The following ERGIC1 variants were observed in gnomAD, a reference collection of about 807,000 sequenced individuals.
ERGIC1 encodes the protein endoplasmic reticulum-Golgi intermediate compartment protein 1.
A neutral mutation model predicts 38.3 loss-of-function variants in ERGIC1; 19 were observed. That is an observed-to-expected ratio of 0.50 (90% CI 0.35 to 0.73). The LOEUF (loss-of-function observed/expected upper bound fraction) is 0.73, where lower values mean the gene tolerates loss of function less well. Among genes scored for constraint, ERGIC1 ranks in the 30% least tolerant of loss-of-function variants. The probability of loss-of-function intolerance (pLI) is 0.01; values close to 1 mark genes in which losing one functional copy is unlikely to be tolerated. For missense variants in ERGIC1, 294 were observed against 389.2 expected (o/e 0.76, Z 2.06); for synonymous variants, 124 against 157.6 (o/e 0.79, Z 1.60).
intron 3 of ERGIC1, among the ~76,000 whole-genome samples, chr5:172,906,409 C>A (rs573928121): frequency 3.9e-5 from 6 of 152,200 alleles, no homozygotes; most frequent in Non-Finnish European, 7.4e-5. Context: ...ATTTCACAGG[C>A]GCACATGGGA....
Position 172,914,254 on chromosome 5 carries a change from A to T in ERGIC1, c.251-460A>T, listed in dbSNP as rs57750883. On this transcript the variant is annotated intron_variant, in intron 4 of 9. Coordinates refer to ENST00000393784, the MANE Select transcript of ERGIC1 (RefSeq NM_001031711.3). The stretch of plus-strand genomic sequence containing the variant: ...TGTCTCAAAAAAAAAAAAAAAAAAA[A>T]AAATACAAAGACTATCTGAGATACA... Among the ~76,000 whole-genome samples, 1,285 of 131,304 alleles carry T rather than the reference A, an allele frequency of 9.8e-3. 29 individuals carry two copies. Among genetic ancestry groups the T allele is most frequent in the African/African-American group, 0.033 (1,123 of 34,274 alleles). 86.1% of individuals were successfully genotyped at this position (131,304 alleles called of 152,430 possible). A position where few individuals can be genotyped will look rare whatever the true frequency, so the allele number is the denominator to read the frequency against.
chr5:172,843,269 G>A (rs1343472862), intron 1 of ERGIC1, among the ~76,000 whole-genome samples: 2 of 152,204 alleles, frequency 1.3e-5, no homozygotes, highest in African/African-American at 4.8e-5. Flanking sequence ...CCATTCTGTA[G>A]TTGCGTTTTC....
At chr5:172,896,895 A>C (rs2113310024) in intron 2 of ERGIC1, 107 bp from the exon 3 acceptor site, 1 of 1,007,128 alleles carries the variant, frequency 9.9e-7, no homozygotes, top group Non-Finnish European at 1.5e-6. Context: ...CTGTGGGCAC[A>C]GCCCCACACC....
chr5:172,922,779 G>A (rs890276401), intron 5 of ERGIC1, among the ~76,000 whole-genome samples: 2 of 152,252 alleles, frequency 1.3e-5, no homozygotes, highest in South Asian at 2.1e-4. Flanking sequence ...AATAGAAGCC[G>A]TGGAGGGTTC....
chr5:172,888,264 A>T (rs1166321061), intron 1 of ERGIC1, among the ~76,000 whole-genome samples: 1 of 152,142 alleles, frequency 6.6e-6, no homozygotes, highest in Non-Finnish European at 1.5e-5. Context: ...GTTCGAGACC[A>T]GCCTGGGCAA....
chr5:172,888,726 G>A lies in ERGIC1; in HGVS notation c.48G>A (p.Lys16=). 1 of 1,614,140 alleles carries A rather than the reference G, an allele frequency of 6.2e-7. No homozygotes were observed. The highest frequency in any genetic ancestry group is 8.5e-7 in the Non-Finnish European group (1 of 1,180,020). The part of the protein sequence containing the change: ...RRFDIYRKVP[K]DLTQPTYTGA... ...TTGACATCTACAGGAAGGTGCCCAA[G>A]GACCTTACGCAGCCAACGTACACCG... The change falls in exon 2 of 10, where the codon AAG becomes AAA. Residue 16 remains lysine, a synonymous_variant. Transcript: ENST00000393784.
chr5:172,864,252 A>G (rs1191058458), intron 1 of ERGIC1, among the ~76,000 whole-genome samples: 1 of 150,626 alleles, frequency 6.6e-6, no homozygotes, highest in African/African-American at 2.4e-5. Flanking sequence ...CACAATGACA[A>G]TAAATATTTT....
chr5:172,910,573 G>A (rs896250489), intron 4 of ERGIC1, among the ~76,000 whole-genome samples: 11 of 145,872 alleles, frequency 7.5e-5, no homozygotes, highest in African/African-American at 1.6e-4. Flanking sequence ...CACCCAGGCC[G>A]GAGTGCAATG....
rs1434568370 is a variant in ERGIC1, at chr5:172,834,782, C to T, written c.20+349C>T. Among the ~76,000 whole-genome samples the T allele has an allele frequency of 6.6e-6, 1 of 152,194 alleles. No homozygotes were observed. Among genetic ancestry groups the T allele is most frequent in the Non-Finnish European group, 1.5e-5 (1 of 68,020 alleles). On this transcript the variant is annotated intron_variant, in intron 1 of 9. Transcript: ENST00000393784. The surrounding 1 kb of genome is among the most constrained non-coding windows in gnomAD (Gnocchi z 4.1). Reference sequence around the variant, plus strand: ...CATAACACCCCAGCATCCCTCTCCTCCCTCTACTGAGCCTCCTTGGTGGAC... The same window carrying T: ...CATAACACCCCAGCATCCCTCTCCTTCCTCTACTGAGCCTCCTTGGTGGAC...
chr5:172,875,412 G>A (rs932791683), intron 1 of ERGIC1, among the ~76,000 whole-genome samples: 9 of 152,074 alleles, frequency 5.9e-5, no homozygotes, highest in African/African-American at 2.2e-4. Context: ...AGAAATGTTA[G>A]TGCCGGTGAT....
At chr5:172,943,608 T>A in intron 9 of ERGIC1, among the ~76,000 whole-genome samples, 1 of 152,186 alleles carries the variant, frequency 6.6e-6, no homozygotes, top group South Asian at 2.1e-4. Context: ...GACAGTGTCA[T>A]CCCGGTCCCT....
At chr5:172,851,788 C>G (rs1761412839) in intron 1 of ERGIC1, among the ~76,000 whole-genome samples, 1 of 151,990 alleles carries the variant, frequency 6.6e-6, no homozygotes, top group African/African-American at 2.4e-5. Context: ...TCTGGATGCC[C>G]CTGGGTAAAA....
chr5:172,886,706 G>A (rs1465221331), intron 1 of ERGIC1, among the ~76,000 whole-genome samples: 1 of 152,212 alleles, frequency 6.6e-6, no homozygotes, highest in Non-Finnish European at 1.5e-5. Flanking sequence ...TCACCACCAT[G>A]CTGTGAGATA....
rs201656813 is a variant in ERGIC1, at chr5:172,945,122, TGA to T, written c.766-5583_766-5582del. Among the ~76,000 whole-genome samples, 1,192 of 152,216 alleles carry T rather than the reference TGA, an allele frequency of 7.8e-3. 21 individuals carry two copies. The highest frequency in any genetic ancestry group is 0.07 in the South Asian group (335 of 4,820). On this transcript the variant is annotated intron_variant, in intron 9 of 9. Transcript: ENST00000393784. ...TCTCTCCCTTGGGCATTCAGGAAAA[TGA>T]GAGTTTTCCCAATAGGCTTGAGGTG...
At chr5:172,928,555 T>TCAC (rs1396497240) in intron 7 of ERGIC1, among the ~76,000 whole-genome samples, 1 of 152,208 alleles carries the variant, frequency 6.6e-6, no homozygotes, top group Non-Finnish European at 1.5e-5. Context: ...CTCTCTGAAA[T>TCAC]CACCTTGTTC....
intron 7 of ERGIC1, 46 bp from the exon 8 acceptor site, chr5:172,932,390 G>A (rs772396627): frequency 6.3e-7 from 1 of 1,587,988 alleles, no homozygotes; most frequent in Non-Finnish European, 8.6e-7. Context: ...GCTGTCAGCG[G>A]GCAGTGCCCG....
At chr5:172,855,678 T>G (rs996755584) in intron 1 of ERGIC1, among the ~76,000 whole-genome samples, 3 of 152,230 alleles carry the variant, frequency 2.0e-5, no homozygotes, top group African/African-American at 7.2e-5. Flanking sequence ...GCTGGTTTGG[T>G]GCTGGGGCAG....
At chr5:172,919,253 G>C (rs560652964) in intron 5 of ERGIC1, among the ~76,000 whole-genome samples, 2 of 152,222 alleles carry the variant, frequency 1.3e-5, no homozygotes, top group Non-Finnish European at 2.9e-5. Context: ...AGGAAGCCCT[G>C]TCTGAAGACT....
chr5:172,869,289 C>T (rs910580484), intron 1 of ERGIC1, among the ~76,000 whole-genome samples: 1 of 152,246 alleles, frequency 6.6e-6, no homozygotes, highest in African/African-American at 2.4e-5. Flanking sequence ...GGCCTCACCC[C>T]TGCCAGGGAA....
Sources: allele counts gnomAD v4.1 joint callset (sites outside exome capture counted in the v4.1 genomes callset), GRCh38; gene constraint gnomAD v4.1.1; non-coding constraint Gnocchi (gnomAD v3.1); transcripts MANE v1.5; gene names NCBI Gene and HGNC (gene_info 2026-07-23, HGNC 2026-07-21).